The following NRXN3 variants were observed in gnomAD, a reference collection of about 807,000 sequenced individuals.
NRXN3 encodes the protein neurexin 3.
A neutral mutation model predicts 137.6 loss-of-function variants in NRXN3; 32 were observed. That is an observed-to-expected ratio of 0.23 (90% CI 0.18 to 0.31). The LOEUF is 0.31. Ranked by LOEUF, NRXN3 falls within the 10% of genes least tolerant of loss-of-function variation. The probability of loss-of-function intolerance (pLI) is 1.00; values close to 1 mark genes in which losing one functional copy is unlikely to be tolerated. For synonymous variants in NRXN3, 798 were observed against 784.5 expected, an observed-to-expected ratio of 1.02 and a Z score of -0.29; for missense variants, 1,574 against 2,062.5, an observed-to-expected ratio of 0.76 and a Z score of 4.59.
intron 15 of NRXN3, among the ~76,000 whole-genome samples, chr14:79,237,271 CT>C (rs1362758008): frequency 7.9e-5 from 12 of 152,002 alleles, no homozygotes; most frequent in African/African-American, 2.7e-4. Flanking sequence ...TGCCCAGTTT[CT>C]ATTTAAAGTA....
At chr14:79,240,786 G>T (rs1310641606) in intron 15 of NRXN3, among the ~76,000 whole-genome samples, 1 of 152,004 alleles carries the variant, frequency 6.6e-6, no homozygotes, top group Admixed American at 6.6e-5. Flanking sequence ...ACAGGTGTTG[G>T]AATTATTTGC....
intron 2 of NRXN3, among the ~76,000 whole-genome samples, chr14:78,271,486 A>AC (rs937905746): frequency 1.7e-4 from 20 of 115,510 alleles, no homozygotes; most frequent in East Asian, 1.1e-3. Context: ...TAAAAAAAAA[A>AC]AAAAACAAAA....
chr14:78,528,272 T>A (rs772871188), intron 4 of NRXN3, among the ~76,000 whole-genome samples: 9 of 152,198 alleles, frequency 5.9e-5, no homozygotes, highest in Admixed American at 6.5e-5. Context: ...GTGATTGATT[T>A]TCAGTGGTTT....
intron 19 of NRXN3, among the ~76,000 whole-genome samples, chr14:79,745,056 T>A (rs1311622406): frequency 6.6e-6 from 1 of 150,752 alleles, no homozygotes; most frequent in East Asian, 1.9e-4. Flanking sequence ...AGGCACATTG[T>A]TTTTAGCTAA....
chr14:78,732,389 C>T lies in NRXN3; in HGVS notation c.2044+17250C>T, dbSNP rs2098520313. 1.3e-5 allele frequency among the ~76,000 whole-genome samples: 2 copies of T among 152,172 alleles called. 1 individual carries two copies. Among genetic ancestry groups the T allele is most frequent in the South Asian group, 4.1e-4 (2 of 4,830 alleles). ...CAATAAAACAGTCTACTATAGTAGA[C>T]TACCTGATATTTTGTTATCACTAAT... On this transcript the variant is annotated intron_variant, in intron 8 of 20. Coordinates refer to ENST00000335750, the MANE Select transcript of NRXN3 (RefSeq NM_001330195.2).
Position 79,212,294 on chromosome 14 carries a change from T to C in NRXN3, c.3262+224153T>C, listed in dbSNP as rs148060225. ...GGACAAATCCCCTTGTCTGTGATTT[T>C]TCTTTCTAGGCTTCTTTGGAGAAAG... On this transcript the variant is annotated intron_variant, in intron 15 of 20. Coordinates refer to ENST00000335750, the MANE Select transcript of NRXN3 (RefSeq NM_001330195.2). Among the ~76,000 whole-genome samples, 824 of 152,338 alleles carry C rather than the reference T, an allele frequency of 5.4e-3. 10 individuals carry two copies. Among genetic ancestry groups the C allele is most frequent in the South Asian group, 0.019 (93 of 4,824 alleles).
In NRXN3 at chr14:79,819,605, C is replaced by A. The variant is rs183402171; in HGVS notation, c.4093+14415C>A. On this transcript the variant is annotated intron_variant, in intron 20 of 20. Coordinates refer to ENST00000335750, the MANE Select transcript of NRXN3 (RefSeq NM_001330195.2). ...GTTCAGGCAATTCTCCTGCCTCAAC[C>A]GCCTGAGTAGCTGGGACTAAAGGCG... Among the ~76,000 whole-genome samples, 77 of 149,970 alleles carry A rather than the reference C, an allele frequency of 5.1e-4. 2 individuals are homozygous for A. The highest frequency in any genetic ancestry group is 4.8e-3 in the Admixed American group (72 of 14,864).
intron 19 of NRXN3, among the ~76,000 whole-genome samples, chr14:79,703,297 A>G (rs1182380850): frequency 6.6e-6 from 1 of 152,194 alleles, no homozygotes; most frequent in Non-Finnish European, 1.5e-5. Context: ...TGGAGACAGT[A>G]AGAAGCATGC....
intron 4 of NRXN3, among the ~76,000 whole-genome samples, chr14:78,508,341 A>G (rs555119544): frequency 6.6e-6 from 1 of 152,234 alleles, no homozygotes; most frequent in Non-Finnish European, 1.5e-5. Context: ...CCATTATGGT[A>G]TATAATCACA....
chr14:79,824,938 A>G (rs958619580), intron 20 of NRXN3, among the ~76,000 whole-genome samples: 1 of 152,242 alleles, frequency 6.6e-6, no homozygotes, highest in Non-Finnish European at 1.5e-5. Context: ...GAAGATTGAC[A>G]TGAAAAACTG....
At chr14:79,326,198 A>G (rs2090838550) in intron 15 of NRXN3, among the ~76,000 whole-genome samples, 1 of 152,214 alleles carries the variant, frequency 6.6e-6, no homozygotes, top group Non-Finnish European at 1.5e-5. Context: ...TCAGATGGGC[A>G]GTAGAGGCCA....
At chr14:79,196,208 A>T (rs769539657) in intron 15 of NRXN3, among the ~76,000 whole-genome samples, 6 of 152,184 alleles carry the variant, frequency 3.9e-5, no homozygotes, top group Non-Finnish European at 7.3e-5. Context: ...TCACATCTAT[A>T]TGTGTTTTTC....
chr14:78,627,038 C>G (rs949887044), intron 4 of NRXN3, among the ~76,000 whole-genome samples: 24 of 151,706 alleles, frequency 1.6e-4, no homozygotes, highest in African/African-American at 5.8e-4. Context: ...TTTAGCTTGT[C>G]CTTTTTCACT....
At chr14:79,683,483 A>G (rs750001012) in intron 17 of NRXN3, among the ~76,000 whole-genome samples, 1 of 152,196 alleles carries the variant, frequency 6.6e-6, no homozygotes, top group African/African-American at 2.4e-5. Flanking sequence ...ACAGAGAACT[A>G]TGAAGGGATC....
intron 4 of NRXN3, among the ~76,000 whole-genome samples, chr14:78,460,662 G>A (rs967521172): frequency 1.3e-5 from 2 of 152,176 alleles, no homozygotes; most frequent in East Asian, 1.9e-4. Context: ...ATACAGAACA[G>A]ATAAAAATGA....
At chr14:78,454,642 TTGTTGAGTCAGGATC>T (rs1303518590) in intron 4 of NRXN3, among the ~76,000 whole-genome samples, 1 of 152,160 alleles carries the variant, frequency 6.6e-6, no homozygotes, top group Non-Finnish European at 1.5e-5. Context: ...CAATAAATAA[TTGTTGAGTCAGGATC>T]TATGATGAGA....
intron 4 of NRXN3, among the ~76,000 whole-genome samples, chr14:78,506,472 T>C (rs2095993355): frequency 6.6e-6 from 1 of 152,032 alleles, no homozygotes; most frequent in Non-Finnish European, 1.5e-5. Flanking sequence ...GGTAGTTTTA[T>C]TTTTAATCTT....
intron 15 of NRXN3, among the ~76,000 whole-genome samples, chr14:79,271,064 T>C (rs1273768870): frequency 6.6e-6 from 1 of 152,224 alleles, no homozygotes; most frequent in Non-Finnish European, 1.5e-5. Context: ...ATTTTAGATC[T>C]GTATCTATCT....
chr14:78,934,725 C>T (rs1390711459), intron 10 of NRXN3, among the ~76,000 whole-genome samples: 1 of 151,924 alleles, frequency 6.6e-6, no homozygotes, highest in East Asian at 1.9e-4. Context: ...AAACCAAACA[C>T]TGCATGTTCT....
Sources: gnomAD v4.1 joint callset for allele counts (sites outside exome capture counted in the v4.1 genomes callset) on GRCh38, gnomAD v4.1.1 for gene constraint, MANE v1.5 for transcripts, NCBI Gene and HGNC (gene_info 2026-07-23, HGNC 2026-07-21) for gene names.